The following DOCK9 variants were observed in gnomAD, a reference collection of about 807,000 sequenced individuals.
DOCK9 encodes the protein dedicator of cytokinesis protein 9.
DOCK9 carries 89 observed loss-of-function variants against 263.3 expected under a neutral mutation model. The ratio of observed to expected loss-of-function variants is 0.34; its 90% CI spans 0.28 to 0.40. The LOEUF (loss-of-function observed/expected upper bound fraction) is 0.40. DOCK9 is among the 10% of genes least tolerant of loss of function. The pLI is 1.00. For synonymous variants in DOCK9, 976 were observed against 973.1 expected, an observed-to-expected ratio of 1.00 and a Z score of -0.06; for missense variants, 2,140 against 2,603.4, an observed-to-expected ratio of 0.82 and a Z score of 3.87.
At position 99,003,625 on chromosome 13, in the gene DOCK9, G is replaced by T. The variant is rs184591305; in HGVS notation, c.130-48074C>A. Among the ~76,000 whole-genome samples, 4 of 151,546 alleles carry T rather than the reference G, an allele frequency of 2.6e-5. 1 individual carries two copies. The highest frequency in any genetic ancestry group is 2.6e-4 in the Admixed American group (4 of 15,218). ...CACCTCAGCAGGTGGCACCCTGGAG[G>T]TGCCCAGGGCACAAATACCAACACT... On this transcript the variant is annotated intron_variant, in intron 1 of 32. Transcript: ENST00000427887.
intron 45 of DOCK9, among the ~76,000 whole-genome samples, chr13:98,810,735 G>A (rs1334642918): frequency 6.6e-6 from 1 of 152,096 alleles, no homozygotes; most frequent in African/African-American, 2.4e-5. Context: ...GATGGAGTGT[G>A]GGGGGCACCG....
Position 98,880,350 on chromosome 13 carries a change from C to T in DOCK9, c.2871+197G>A, listed in dbSNP as rs188076849. On this transcript the variant is annotated intron_variant, in intron 26 of 52. Transcript: ENST00000682017. Reference sequence around the variant, plus strand: ...CATAATGACTATTAATCCTCAAGAGCCAACACTGAACACAGTGGTGTTTTG... The same window carrying T: ...CATAATGACTATTAATCCTCAAGAGTCAACACTGAACACAGTGGTGTTTTG... Among the ~76,000 whole-genome samples the T allele has an allele frequency of 2.0e-3, 299 of 152,044 alleles. 3 individuals carry two copies. Among genetic ancestry groups the T allele is most frequent in the Non-Finnish European group, 3.4e-3 (234 of 67,990 alleles).
At chr13:98,855,024 T>G (rs1391561423) in intron 34 of DOCK9, among the ~76,000 whole-genome samples, 2 of 152,208 alleles carry the variant, frequency 1.3e-5, no homozygotes, top group African/African-American at 4.8e-5. Flanking sequence ...GTGATACCAA[T>G]CTACCATGGC....
rs1464062645 is a variant in DOCK9 at position 98,955,492 on chromosome 13, A to G, written c.186T>C (p.Thr62=). The change falls in exon 2 of 53, where the codon ACT becomes ACC. Residue 62 remains threonine (T), a synonymous_variant. Transcript: ENST00000682017. ...CCCGTAAACAGTCGTTCAGGATCTG[A>G]GTCTTCTTCTGGACGATGACATTTT... ...DYENVIVQKK[T]QILNDCLREM... is the part of the protein sequence containing the mutation. The G allele has an allele frequency of 5.0e-6, 8 of 1,600,692 alleles. No individual in the cohort carries two copies. The highest frequency in any genetic ancestry group is 6.8e-6 in the Non-Finnish European group (8 of 1,172,798).
intron 1 of DOCK9, among the ~76,000 whole-genome samples, chr13:99,063,290 T>A (rs762057223): frequency 1.3e-5 from 2 of 152,206 alleles, no homozygotes; most frequent in African/African-American, 4.8e-5. Context: ...AAAATGACAC[T>A]GCTGGTGACA....
chr13:98,930,990 C>T lies in DOCK9; in HGVS notation c.244-733G>A, dbSNP rs1298211736. ...ACAGTTCAGTGGCATTAAGTACATT[C>T]ACACAATTGTGCAACCATCACCACC... On this transcript the variant is annotated intron_variant, in intron 2 of 52. Transcript: ENST00000682017. Among the ~76,000 whole-genome samples the T allele has an allele frequency of 4.6e-5, 7 of 152,146 alleles. No homozygotes were observed. In the East Asian group the frequency reaches 1.4e-3, roughly 29 times the overall value.
chr13:99,045,375 G>C (rs1396735451), intron 1 of DOCK9, among the ~76,000 whole-genome samples: 1 of 152,128 alleles, frequency 6.6e-6, no homozygotes, highest in African/African-American at 2.4e-5. Context: ...GAACATAGAG[G>C]ACATCATGTT....
At chr13:98,903,667 G>GA (rs1378636074) in intron 10 of DOCK9, among the ~76,000 whole-genome samples, 2 of 147,350 alleles carry the variant, frequency 1.4e-5, no homozygotes, top group South Asian at 4.3e-4. Context: ...TGGATGAACT[G>GA]AAAAAATACA....
At chr13:99,057,123 G>C (rs1244266874) in intron 1 of DOCK9, among the ~76,000 whole-genome samples, 3 of 152,062 alleles carry the variant, frequency 2.0e-5, no homozygotes, top group Non-Finnish European at 4.4e-5. Flanking sequence ...TTGAAGGCTG[G>C]GACCCCCTCA....
chr13:99,030,605 CTCTT>C (rs1174717150), intron 1 of DOCK9, among the ~76,000 whole-genome samples: 3 of 152,196 alleles, frequency 2.0e-5, no homozygotes, highest in Admixed American at 1.3e-4. Flanking sequence ...AGAAAATTCT[CTCTT>C]GTGAAGAAAC....
At chr13:98,974,260 T>A (rs562071695) in intron 1 of DOCK9, among the ~76,000 whole-genome samples, 2 of 152,244 alleles carry the variant, frequency 1.3e-5, no homozygotes, top group East Asian at 3.9e-4. Context: ...CCCCTGGTAG[T>A]GATTTCTAGC....
chr13:98,883,257 G>T (rs1296505598), intron 22 of DOCK9, 126 bp from the exon 23 acceptor site: 1 of 888,362 alleles, frequency 1.1e-6, no homozygotes, highest in Non-Finnish European at 1.7e-6. Context: ...TGTTGTTGCT[G>T]TTTTTTTTGA....
chr13:99,080,042 A>G (rs2042066714), intron 1 of DOCK9, among the ~76,000 whole-genome samples: 1 of 152,182 alleles, frequency 6.6e-6, no homozygotes. Flanking sequence ...TCCATCTCAG[A>G]TAAATAAATA....
At chr13:98,859,753 G>GTGTGTGTGTATATATA (rs780605483) in intron 33 of DOCK9, 1 of 132,488 alleles carries the variant, frequency 7.5e-6, no homozygotes, top group African/African-American at 2.7e-5. Context: ...GTGTGTGTGT[G>GTGTGTGTGTATATATA]TATATATATA....
chr13:98,995,484 A>G (rs1047315410), intron 1 of DOCK9, among the ~76,000 whole-genome samples: 1 of 112,534 alleles, frequency 8.9e-6, no homozygotes, highest in African/African-American at 3.5e-5. Context: ...TGAGGAAGAT[A>G]CTTTTTTTTT....
chr13:98,980,698 G>T (rs1271535684), upstream of DOCK9, among the ~76,000 whole-genome samples: 3 of 152,260 alleles, frequency 2.0e-5, no homozygotes, highest in East Asian at 3.9e-4. Context: ...CAGGGCTTTT[G>T]CTGTGTGATC....
chr13:98,859,757 A>ATATATATG (rs1277115169), intron 33 of DOCK9: 2 of 145,392 alleles, frequency 1.4e-5, no homozygotes, highest in Non-Finnish European at 3.0e-5. Flanking sequence ...GTGTGTGTAT[A>ATATATATG]TATATATATA....
chr13:98,884,289 A>G (rs1317725338), intron 21 of DOCK9, among the ~76,000 whole-genome samples: 1 of 152,258 alleles, frequency 6.6e-6, no homozygotes, highest in African/African-American at 2.4e-5. Flanking sequence ...GCAAAGGGTC[A>G]ATCGTCTGCT....
At chr13:98,978,175 C>A (rs1425596111), upstream of DOCK9, 20 of 1,186,452 alleles carry the variant, frequency 1.7e-5, no homozygotes, top group Non-Finnish European at 2.2e-5. Context: ...CCAAGCTGAA[C>A]AATACACAGT....
Sources: allele counts gnomAD v4.1 joint callset (sites outside exome capture counted in the v4.1 genomes callset), GRCh38; gene constraint gnomAD v4.1.1; transcripts MANE v1.5; gene names NCBI Gene and HGNC (gene_info 2026-07-23, HGNC 2026-07-21).